MMP16: variants seen among roughly 807,000 people sequenced by gnomAD.
The protein encoded by MMP16 is matrix metallopeptidase 16.
A neutral mutation model predicts 67.8 loss-of-function variants in MMP16; 12 were observed. The observed-to-expected ratio is 0.18, with a 90% CI of 0.11 to 0.29. The LOEUF (loss-of-function observed/expected upper bound fraction) is 0.29, where lower values mean the gene tolerates loss of function less well. Ranked by LOEUF, MMP16 falls within the 10% of genes least tolerant of loss-of-function variation. MMP16 has a pLI of 1.00. For synonymous variants in MMP16, 249 were observed against 255.9 expected (o/e 0.97, Z 0.26); for missense variants, 475 against 765.7 (o/e 0.62, Z 4.48).
chr8:88,184,765 AAAAAAAAAAAAAAG>A, intron 3 of MMP16, among the ~76,000 whole-genome samples: 1 of 145,352 alleles, frequency 6.9e-6, no homozygotes, highest in South Asian at 2.2e-4. Context: ...AAAAAAAAAA[AAAAAAAAAAAAAAG>A]AAAAGAAAAA....
chr8:88,128,745 T>C (rs758301657), intron 4 of MMP16, among the ~76,000 whole-genome samples: 6 of 151,760 alleles, frequency 4.0e-5, no homozygotes, highest in African/African-American at 7.3e-5. Flanking sequence ...CTCCTCTCTA[T>C]ACTTAGTAAA....
chr8:88,170,986 G>C (rs1174646572), intron 3 of MMP16, among the ~76,000 whole-genome samples: 2 of 152,142 alleles, frequency 1.3e-5, no homozygotes, highest in African/African-American at 4.8e-5. Context: ...AATTGTTCAT[G>C]GGGATTGGTG....
At chr8:88,143,710 G>T (rs754289783) in intron 4 of MMP16, among the ~76,000 whole-genome samples, 1 of 151,908 alleles carries the variant, frequency 6.6e-6, no homozygotes. Flanking sequence ...ATGATGGAAG[G>T]AAGTGGGCAT....
chr8:88,259,641 G>T (rs1242781009), intron 1 of MMP16, among the ~76,000 whole-genome samples: 1 of 151,920 alleles, frequency 6.6e-6, no homozygotes, highest in Non-Finnish European at 1.5e-5. Context: ...AGAAAGGGAA[G>T]AGGAAAGGGA....
chr8:88,123,074 G>A (rs1400918407), intron 4 of MMP16, among the ~76,000 whole-genome samples: 3 of 151,938 alleles, frequency 2.0e-5, no homozygotes, highest in Admixed American at 1.3e-4. Flanking sequence ...AGAACCATGT[G>A]AGATAATAAA....
At chr8:88,231,838 C>G (rs1809863914) in intron 1 of MMP16, among the ~76,000 whole-genome samples, 2 of 152,076 alleles carry the variant, frequency 1.3e-5, no homozygotes, top group Non-Finnish European at 1.5e-5. Flanking sequence ...AAGTTTTTCT[C>G]TAAAATAATT....
At chr8:88,105,883 GAATAA>G (rs761999088) in intron 6 of MMP16, among the ~76,000 whole-genome samples, 6 of 150,826 alleles carry the variant, frequency 4.0e-5, no homozygotes, top group Non-Finnish European at 8.9e-5. Flanking sequence ...TGACAAAAAA[GAATAA>G]AATATTAAAA....
At chr8:88,089,706 A>G (rs1010609451) in intron 6 of MMP16, among the ~76,000 whole-genome samples, 1 of 151,976 alleles carries the variant, frequency 6.6e-6, no homozygotes, top group African/African-American at 2.4e-5. Context: ...TTAGAAAAGA[A>G]AGCACTAGGG....
chr8:88,252,646 C>CAA (rs10715771), intron 1 of MMP16, among the ~76,000 whole-genome samples: 1 of 128,112 alleles, frequency 7.8e-6, no homozygotes, highest in African/African-American at 2.8e-5. Flanking sequence ...CACCTCTTAG[C>CAA]AAAAAAAAAA....
intron 1 of MMP16, among the ~76,000 whole-genome samples, chr8:88,321,622 T>C (rs939840886): frequency 3.3e-5 from 5 of 152,178 alleles, no homozygotes; most frequent in Non-Finnish European, 5.9e-5. Context: ...TATTTCCTCA[T>C]GACATTTATT....
intron 1 of MMP16, among the ~76,000 whole-genome samples, chr8:88,222,576 AC>A (rs1388469574): frequency 1.3e-5 from 2 of 152,178 alleles, no homozygotes; most frequent in Non-Finnish European, 2.9e-5. Context: ...GACAAACCTG[AC>A]AAAAACAAGA....
chr8:88,238,061 T>C (rs1809972394), intron 1 of MMP16, among the ~76,000 whole-genome samples: 1 of 152,228 alleles, frequency 6.6e-6, no homozygotes, highest in South Asian at 2.1e-4. Context: ...TCAGGAAATA[T>C]ACCTATTGTG....
At chr8:88,184,702 G>A (rs1346196902) in intron 3 of MMP16, among the ~76,000 whole-genome samples, 1 of 123,162 alleles carries the variant, frequency 8.1e-6, no homozygotes, top group African/African-American at 3.2e-5. Context: ...AGCCAAGATC[G>A]CACCACTGCA....
intron 4 of MMP16, among the ~76,000 whole-genome samples, chr8:88,128,844 C>T (rs369910065): frequency 1.3e-5 from 2 of 151,734 alleles, no homozygotes; most frequent in Non-Finnish European, 2.9e-5. Flanking sequence ...GGATGGTGGT[C>T]AGACTCATTT....
At chr8:88,167,555 G>T (rs1808734382) in intron 4 of MMP16, 114 bp downstream of exon 4, 1 of 1,056,906 alleles carries the variant, frequency 9.5e-7, no homozygotes, top group Non-Finnish European at 1.3e-6. Context: ...TATTGCTTTG[G>T]AATTTTAAAA....
intron 3 of MMP16, among the ~76,000 whole-genome samples, chr8:88,169,140 T>C (rs1277846004): frequency 1.3e-5 from 2 of 152,226 alleles, no homozygotes; most frequent in African/African-American, 4.8e-5. Flanking sequence ...ATGGCATCTC[T>C]AATGCATGTC....
chr8:88,293,623 T>C (rs1255366071), intron 1 of MMP16, among the ~76,000 whole-genome samples: 2 of 152,150 alleles, frequency 1.3e-5, no homozygotes, highest in Non-Finnish European at 1.5e-5. Context: ...ACATATACTA[T>C]ATATATTTAA....
intron 1 of MMP16, among the ~76,000 whole-genome samples, chr8:88,228,768 C>G (rs1287959352): frequency 6.6e-6 from 1 of 151,992 alleles, no homozygotes; most frequent in African/African-American, 2.4e-5. Context: ...TATCAGAAGG[C>G]AACTATTAAG....
At chr8:88,258,537 C>T (rs1810340065) in intron 1 of MMP16, among the ~76,000 whole-genome samples, 1 of 152,056 alleles carries the variant, frequency 6.6e-6, no homozygotes, top group African/African-American at 2.4e-5. Flanking sequence ...AAAACAAAAT[C>T]ACTAAAAAAA....
Sources: gnomAD v4.1 joint callset for allele counts (sites outside exome capture counted in the v4.1 genomes callset) on GRCh38, gnomAD v4.1.1 for gene constraint, MANE v1.5 for transcripts, NCBI Gene and HGNC (gene_info 2026-07-23, HGNC 2026-07-21) for gene names.